The following GTF3C5 variants were observed in gnomAD, a reference collection of about 807,000 sequenced individuals.
GTF3C5 encodes general transcription factor 3C polypeptide 5.
GTF3C5 carries 47 observed loss-of-function variants against 61.0 expected under a neutral mutation model. The ratio of observed to expected loss-of-function variants is 0.77; its 90% CI spans 0.61 to 0.98. GTF3C5 has a LOEUF of 0.98. GTF3C5 is among the 50% of genes least tolerant of loss of function. The probability of loss-of-function intolerance (pLI) is 0.00; values close to 1 mark genes in which losing one functional copy is unlikely to be tolerated. For missense variants in GTF3C5, 659 were observed against 703.3 expected, an observed-to-expected ratio of 0.94 and a Z score of 0.71; for synonymous variants, 295 against 275.4, an observed-to-expected ratio of 1.07 and a Z score of -0.71.
rs181959974 is a variant in GTF3C5, at chr9:133,054,360, C to T, written c.989-48C>T. 6,989 of 1,488,300 alleles carry T rather than the reference C, an allele frequency of 4.7e-3. 29 individuals are homozygous for T. Among genetic ancestry groups the T allele is most frequent in the Middle Eastern group, 5.8e-3 (34 of 5,830 alleles). The allele number at this position is 1,488,300 out of a possible 1,614,324, so 92.2% of individuals were successfully genotyped here. A position where few individuals can be genotyped will look rare whatever the true frequency, so the allele number is the denominator to read the frequency against. ...CCAGTGTGAAGCCAGTGTTGTGTGC[C>T]GACGGGCCCTGTGCCCGCCCACCTG... On this transcript the variant is annotated intron_variant, in intron 6 of 10. Coordinates refer to ENST00000372097, the MANE Select transcript of GTF3C5 (RefSeq NM_012087.4).
At position 133,031,099 on chromosome 9, in the gene GTF3C5, C is replaced by T. The variant is rs1588458225; in HGVS notation, c.88C>T (p.Pro30Ser). ...RERRMVCVEY[P>S]GVVRDVAKML... ...GCGACGCATGGTGTGCGTGGAGTAC[C>T]CGGGAGTGGTGCGTGATGTGGCTAA... The change falls in exon 1 of 11, where the codon CCG (proline) becomes TCG (serine). Residue 30 changes from proline to serine, a missense_variant. Coordinates refer to ENST00000372097, the MANE Select transcript of GTF3C5 (RefSeq NM_012087.4). The T allele has an allele frequency of 6.2e-7, 1 of 1,607,374 alleles. No individual in the cohort carries two copies. Among genetic ancestry groups the T allele is most frequent in the Non-Finnish European group, 8.5e-7 (1 of 1,176,450 alleles).
Position 133,038,450 on chromosome 9 carries a change from CTT to C in GTF3C5, c.154-3620_154-3619del, listed in dbSNP as rs1185522066. ...GGACTGTGGGGGAGACCCCTAGGAG[CTT>C]TTTTTTTTTTTTTTTTGAGACGGAG... On this transcript the variant is annotated intron_variant, in intron 1 of 10. Transcript: ENST00000372097. Among the ~76,000 whole-genome samples the C allele has an allele frequency of 2.9e-3, 374 of 129,698 alleles. 5 individuals are homozygous for C. Among genetic ancestry groups the C allele is most frequent in the African/African-American group, 9.6e-3 (338 of 35,178 alleles). The allele number at this position is 129,698 out of a possible 152,430, so 85.1% of individuals were successfully genotyped here. A position where few individuals can be genotyped will look rare whatever the true frequency, so the allele number is the denominator to read the frequency against.
chr9:133,032,208 G>A (rs1448366425), intron 1 of GTF3C5, among the ~76,000 whole-genome samples: 1 of 152,234 alleles, frequency 6.6e-6, no homozygotes, highest in Non-Finnish European at 1.5e-5. Context: ...GATTATAGGC[G>A]TGAGCCACCG....
At chr9:133,055,864 G>A (rs1019142696) in intron 8 of GTF3C5, 148 bp from the exon 9 acceptor site, 11 of 1,436,524 alleles carry the variant, frequency 7.7e-6, no homozygotes, top group East Asian at 2.5e-5. Flanking sequence ...CAACTCCTCC[G>A]TGGCCTTCCA....
At chr9:133,048,585 C>T (rs1028703128) in intron 3 of GTF3C5, among the ~76,000 whole-genome samples, 4 of 152,224 alleles carry the variant, frequency 2.6e-5, no homozygotes, top group African/African-American at 4.8e-5. Context: ...AGGAGAATCG[C>T]TTGAACCCAG....
At chr9:133,034,894 T>G (rs141557586) in intron 1 of GTF3C5, among the ~76,000 whole-genome samples, 105 of 150,842 alleles carry the variant, frequency 7.0e-4, no homozygotes, top group Middle Eastern at 3.4e-3. Flanking sequence ...CCATATAGCA[T>G]TTCATAAGGG....
rs775957075 is a variant in GTF3C5, at chr9:133,050,924, G to A, written c.714G>A (p.Trp238Ter). The A allele has an allele frequency of 2.2e-5, 36 of 1,613,838 alleles. No homozygotes were observed. Among genetic ancestry groups the A allele is most frequent in the Admixed American group, 6.7e-5 (4 of 59,972 alleles). The change falls in exon 4 of 11, where the codon TGG (tryptophan) becomes TGA (stop). Residue 238 changes from tryptophan to a stop codon, truncating the protein, a stop_gained. Coordinates refer to ENST00000372097, the MANE Select transcript of GTF3C5 (RefSeq NM_012087.4). LOFTEE classifies it high-confidence loss of function. ...KQPLEAAAQT[W>*]RRVCTNPVDR... ...CACTGGAGGCTGCAGCCCAGACGTGGAGGAGAGTCTGCACTAACCCCGTGG... is the reference window on the plus strand; with the variant it reads ...CACTGGAGGCTGCAGCCCAGACGTGAAGGAGAGTCTGCACTAACCCCGTGG...
At chr9:133,030,750 C>T (rs1358251352), upstream of GTF3C5, 5 of 586,808 alleles carry the variant, frequency 8.5e-6, no homozygotes, top group Non-Finnish European at 1.6e-5. Flanking sequence ...GTAGGAGAGA[C>T]TGGTGCTTGC....
chr9:133,030,763 C>T, upstream of GTF3C5: 1 of 605,594 alleles, frequency 1.7e-6, no homozygotes. Context: ...GTGCTTGCCC[C>T]GCCCGGTGGA....
rs770512694 is a variant in GTF3C5 at position 133,058,021 on chromosome 9, T to C, written c.*41T>C. 1.9e-5 allele frequency: 31 copies of C among 1,608,346 alleles called. No individual in the cohort carries two copies. Among genetic ancestry groups the C allele is most frequent in the Non-Finnish European group, 2.3e-5 (27 of 1,177,208 alleles). On this transcript the variant is annotated 3_prime_UTR_variant, in exon 11 of 11. Coordinates refer to ENST00000372097, the MANE Select transcript of GTF3C5 (RefSeq NM_012087.4). ...GGCCTCCCTGACCCGGCCAGACTGG[T>C]GTCTGGCCTAATGAGGGAGCCGGGG... is the stretch of plus-strand genomic sequence containing the variant.
At position 133,050,778 on chromosome 9, in the gene GTF3C5, C is replaced by T; in HGVS notation, c.573-5C>T. On this transcript the variant is annotated splice_polypyrimidine_tract_variant and splice_region_variant and intron_variant, in intron 3 of 10. Coordinates refer to ENST00000372097, the MANE Select transcript of GTF3C5 (RefSeq NM_012087.4). ...CCTGTTCTCACCTGTACTCTCTGCC[C>T]CCAGGGAAGGCTACAACAATCCCCC... 1 of 1,608,494 alleles carries T rather than the reference C, an allele frequency of 6.2e-7. No individual in the cohort carries two copies. Among genetic ancestry groups the T allele is most frequent in the Non-Finnish European group, 8.5e-7 (1 of 1,176,746 alleles).
intron 10 of GTF3C5, 65 bp from the exon 11 acceptor site, chr9:133,057,749 G>T (rs2119043994): frequency 6.8e-7 from 1 of 1,461,478 alleles, no homozygotes; most frequent in African/African-American, 1.4e-5. Context: ...AGAGCCTGGT[G>T]GCCTTTCTGG....
chr9:133,043,133 G>A (rs996418203), intron 2 of GTF3C5, among the ~76,000 whole-genome samples: 1 of 152,240 alleles, frequency 6.6e-6, no homozygotes, highest in African/African-American at 2.4e-5. Flanking sequence ...GTGAAATGAA[G>A]GAGAAGCAGG....
At chr9:133,043,506 A>G (rs954232423) in intron 2 of GTF3C5, among the ~76,000 whole-genome samples, 4 of 152,168 alleles carry the variant, frequency 2.6e-5, no homozygotes, top group African/African-American at 9.7e-5. Context: ...CCTATCATGT[A>G]GCTCCCCACC....
At chr9:133,047,440 CTG>C (rs1850240029) in intron 3 of GTF3C5, among the ~76,000 whole-genome samples, 1 of 152,102 alleles carries the variant, frequency 6.6e-6, no homozygotes, top group Non-Finnish European at 1.5e-5. Flanking sequence ...CTGCAGAAAA[CTG>C]TTGCACATAG....
At chr9:133,034,355 G>C (rs894039372) in intron 1 of GTF3C5, among the ~76,000 whole-genome samples, 15 of 152,126 alleles carry the variant, frequency 9.9e-5, no homozygotes, top group African/African-American at 3.6e-4. Context: ...TAACTACATC[G>C]GATAGCTGCC....
chr9:133,044,958 G>C (rs1233984896), intron 3 of GTF3C5, among the ~76,000 whole-genome samples: 1 of 147,250 alleles, frequency 6.8e-6, no homozygotes, highest in Non-Finnish European at 1.5e-5. Flanking sequence ...ATGCAATTCA[G>C]ATGAAATGAA....
At chr9:133,033,452 G>A (rs987806676) in intron 1 of GTF3C5, among the ~76,000 whole-genome samples, 1 of 152,176 alleles carries the variant, frequency 6.6e-6, no homozygotes, top group African/African-American at 2.4e-5. Context: ...TCATGGGTAA[G>A]CTCTTGGAAG....
At chr9:133,051,374 C>T (rs143665641) in intron 4 of GTF3C5, among the ~76,000 whole-genome samples, 6 of 152,328 alleles carry the variant, frequency 3.9e-5, no homozygotes, top group South Asian at 4.1e-4. Context: ...CCTCCTTCCC[C>T]GGGCTTGCGG....
Sources: allele counts gnomAD v4.1 joint callset (sites outside exome capture counted in the v4.1 genomes callset), GRCh38; gene constraint gnomAD v4.1.1; transcripts MANE v1.5; gene names NCBI Gene and HGNC (gene_info 2026-07-23, HGNC 2026-07-21).